The following HIPK4 variants were observed in gnomAD, a reference collection of about 807,000 sequenced individuals.
HIPK4 encodes homeodomain-interacting protein kinase 4.
HIPK4 carries 26 observed loss-of-function variants against 44.8 expected under a neutral mutation model. That is an observed-to-expected ratio of 0.58 (90% CI 0.43 to 0.80). The LOEUF (loss-of-function observed/expected upper bound fraction) is 0.80. HIPK4 is among the 30% of genes least tolerant of loss of function. The pLI is 0.00. For missense variants in HIPK4, 729 were observed against 862.6 expected, an observed-to-expected ratio of 0.85 and a Z score of 1.94; for synonymous variants, 340 against 355.5, an observed-to-expected ratio of 0.96 and a Z score of 0.49.
chr19:40,386,846 G>A (rs1452640852), intron 1 of HIPK4, among the ~76,000 whole-genome samples: 1 of 151,794 alleles, frequency 6.6e-6, no homozygotes, highest in African/African-American at 2.4e-5. Flanking sequence ...TCTCTTGCTT[G>A]TATCTCTCTC....
At chr19:40,383,696 A>T in intron 2 of HIPK4, 87 bp downstream of exon 2, 1 of 1,019,630 alleles carries the variant, frequency 9.8e-7, no homozygotes, top group Non-Finnish European at 1.5e-6. Context: ...TGCTGGAATT[A>T]CAGGTGTGAG....
At chr19:40,381,783 C>T (rs1205300933) in intron 2 of HIPK4, among the ~76,000 whole-genome samples, 2 of 113,286 alleles carry the variant, frequency 1.8e-5, no homozygotes, top group Non-Finnish European at 1.9e-5. Context: ...TCACTCAGAT[C>T]CTTTTTTTTT....
rs776587901 is a variant in HIPK4 at position 40,380,365 on chromosome 19, A to C, written c.1626T>G (p.Asp542Glu). 6.2e-7 allele frequency: 1 copy of C among 1,613,948 alleles called. No individual in the cohort carries two copies. Among genetic ancestry groups the C allele is most frequent in the Admixed American group, 1.7e-5 (1 of 59,988 alleles). ...TGTTGTCAATGTTGGGCCCATCCTC[A>C]TCTCGCTGCAGGATGGCCAGTGGCT... ...SAEPLAILQR[D>E]EDGPNIDNMT... Residue 542 changes from aspartate (D) to glutamate (E), a missense_variant, in exon 3 of 4, where the codon GAT becomes GAG. Transcript: ENST00000291823. The surrounding 1 kb of genome is among the most constrained non-coding windows in gnomAD (Gnocchi z 4.2).
Position 40,379,533 on chromosome 19 carries a change from G to T in HIPK4, c.*54C>A. 1 of 1,398,178 alleles carries T rather than the reference G, an allele frequency of 7.2e-7. No individual in the cohort carries two copies. The highest frequency in any genetic ancestry group is 9.5e-7 in the Non-Finnish European group (1 of 1,053,552). The allele number at this position is 1,398,178 out of a possible 1,614,324, so 86.6% of individuals were successfully genotyped here. ...CTGAGGAGCAGTTCAGGTTGGGAGG[G>T]AATGCCAGCCCAGCTAGCGCAGCCC... On this transcript the variant is annotated 3_prime_UTR_variant, in exon 4 of 4. Coordinates refer to ENST00000291823, the MANE Select transcript of HIPK4 (RefSeq NM_144685.5).
At chr19:40,382,904 G>A (rs926747907) in intron 2 of HIPK4, among the ~76,000 whole-genome samples, 2 of 151,136 alleles carry the variant, frequency 1.3e-5, no homozygotes, top group African/African-American at 2.4e-5. Flanking sequence ...AAAAATTGCC[G>A]GGTGTGATGG....
At position 40,382,114 on chromosome 19, in the gene HIPK4, T is replaced by C. The variant is rs201669356; in HGVS notation, c.823-946A>G. The stretch of plus-strand genomic sequence containing the variant: ...AGCCACTGTGCCTGGCCTTAGATCC[T>C]TTTTTTTAAACAGGGTCTTGCTGTG... On this transcript the variant is annotated intron_variant, in intron 2 of 3. Transcript: ENST00000291823. Among the ~76,000 whole-genome samples the C allele has an allele frequency of 3.5e-4, 53 of 151,680 alleles. No individual in the cohort carries two copies. In the East Asian group the frequency reaches 9.1e-3, roughly 26 times the overall value.
intron 2 of HIPK4, among the ~76,000 whole-genome samples, chr19:40,382,899 T>A (rs35519449): frequency 0.4 from 60,053 of 150,108 alleles, 12,878 homozygotes; most frequent in East Asian, 0.66. Flanking sequence ...TACAAAAAAA[T>A]TGCCGGGTGT....
chr19:40,383,808 G>C lies in HIPK4; in HGVS notation c.797C>G (p.Ser266Trp). The change falls in exon 2 of 4, where the codon TCG becomes TGG. Residue 266 changes from serine to tryptophan, a missense_variant. Ser to Trp is a radical substitution (Grantham distance 177, BLOSUM62 -3). This residue lies in a region of HIPK4 where 533 missense variants were observed against 567.5 expected (regional missense o/e 0.94). Transcript: ENST00000291823. ...DAANPWQLKS[S>W]ADYLAETKVR... ...CTTCGTCTCGGCCAGGTAGTCAGCCGAGGACTTGAGCTGCCAGGGGTTGGC... is the reference window on the plus strand; with the variant it reads ...CTTCGTCTCGGCCAGGTAGTCAGCCCAGGACTTGAGCTGCCAGGGGTTGGC... 6.2e-7 allele frequency: 1 copy of C among 1,612,100 alleles called. No individual in the cohort carries two copies. The highest frequency in any genetic ancestry group is 8.5e-7 in the Non-Finnish European group (1 of 1,178,458).
Position 40,379,473 on chromosome 19 carries a change from TCTGTAA to T in HIPK4, c.*108_*113del. 1.1e-6 allele frequency: 1 copy of T among 928,868 alleles called. No individual in the cohort carries two copies. Among genetic ancestry groups the T allele is most frequent in the South Asian group, 1.9e-5 (1 of 53,354 alleles). 57.5% of individuals were successfully genotyped at this position (928,868 alleles called of 1,614,324 possible). On this transcript the variant is annotated 3_prime_UTR_variant, in exon 4 of 4. Transcript: ENST00000291823. ...ATGAGAATTTCTGGATAACTATCTTTCTGTAAGAATAATTTGTGGGTTCAGGAGATG... is the reference window on the plus strand; with the variant it reads ...ATGAGAATTTCTGGATAACTATCTTTGAATAATTTGTGGGTTCAGGAGATG...
In HIPK4 at chr19:40,383,916, G is replaced by A; in HGVS notation, c.689C>T (p.Thr230Ile). Residue 230 changes from threonine (T) to isoleucine (I), a missense_variant, in exon 2 of 4, where the codon ACC becomes ATC. Thr to Ile is a moderately conservative substitution (Grantham distance 89). Coordinates refer to ENST00000291823, the MANE Select transcript of HIPK4 (RefSeq NM_144685.5). ...CAGGTGTGGCTTGGGCAGGCCCTGG[G>A]TTTCGCAGATGTAGCGCACCTGGTC... ...EYDQVRYICE[T>I]QGLPKPHLLH... 1 of 1,614,180 alleles carries A rather than the reference G, an allele frequency of 6.2e-7. No individual in the cohort carries two copies. The highest frequency in any genetic ancestry group is 2.2e-5 in the East Asian group (1 of 44,878).
At position 40,380,684 on chromosome 19, in the gene HIPK4, T is replaced by G; in HGVS notation, c.1307A>C (p.Glu436Ala). 1 of 1,613,670 alleles carries G rather than the reference T, an allele frequency of 6.2e-7. No individual in the cohort carries two copies. The highest frequency in any genetic ancestry group is 8.5e-7 in the Non-Finnish European group (1 of 1,179,698). ...CTCACCCCACAGCCCATGCCCAGCC[T>G]CCTGCAGACTCAGGTCATCCAGCTG... ...IDQLDDLSLQ[E>A]AGHGLWGETC... is the part of the protein sequence containing the mutation. The change falls in exon 3 of 4, where the codon GAG (glutamate) becomes GCG (alanine). Residue 436 changes from glutamate to alanine, a missense_variant. Physicochemically the swap from Glu to Ala is moderately radical, Grantham distance 107. Transcript: ENST00000291823. The surrounding 1 kb of genome is among the most constrained non-coding windows in gnomAD (Gnocchi z 4.2).
rs747589582 is a variant in HIPK4, at chr19:40,383,981, C to G, written c.624G>C (p.Leu208=). ...VWSLGCVMAE[L]HLGWPLYPGN... Reference sequence around the variant, plus strand: ...CGGGGTAGAGAGGCCAGCCCAGGTGCAGCTCAGCCATGACGCAGCCCAGGG... The same window carrying G: ...CGGGGTAGAGAGGCCAGCCCAGGTGGAGCTCAGCCATGACGCAGCCCAGGG... The change falls in exon 2 of 4, where the codon CTG becomes CTC. Residue 208 remains leucine (L), a synonymous_variant. Transcript: ENST00000291823. 1.2e-6 allele frequency: 2 copies of G among 1,614,058 alleles called. No individual in the cohort carries two copies. Among genetic ancestry groups the G allele is most frequent in the Non-Finnish European group, 1.7e-6 (2 of 1,180,020 alleles).
intron 3 of HIPK4, 94 bp from the exon 4 acceptor site, chr19:40,379,863 G>T: frequency 7.6e-7 from 1 of 1,319,998 alleles, no homozygotes. Context: ...GGGTGAGCAT[G>T]TGCTAGGGTC....
chr19:40,381,784 C>CT (rs55780075), intron 2 of HIPK4, among the ~76,000 whole-genome samples: 6,897 of 72,342 alleles, frequency 0.095, 1,505 homozygotes, highest in Non-Finnish European at 0.14. Flanking sequence ...CACTCAGATC[C>CT]TTTTTTTTTT....
rs372266650 is a variant in HIPK4, at chr19:40,383,770, A to G, written c.822+13T>C. The G allele has an allele frequency of 1.9e-5, 31 of 1,590,962 alleles. No homozygotes were observed. The highest frequency in any genetic ancestry group is 2.6e-5 in the Non-Finnish European group (30 of 1,165,308). ...CCCCCACACTGACTGCCCTCACCCA[A>G]CTTTTCCCTTACCTTCGTCTCGGCC... On this transcript the variant is annotated intron_variant, in intron 2 of 3. Coordinates refer to ENST00000291823, the MANE Select transcript of HIPK4 (RefSeq NM_144685.5).
chr19:40,379,783 G>C lies in HIPK4; in HGVS notation c.1669-14C>G, dbSNP rs1334917937. On this transcript the variant is annotated splice_polypyrimidine_tract_variant and intron_variant, in intron 3 of 3. Transcript: ENST00000291823. ...AGGGTCTGGCCTCTGTGGGGGAAGA[G>C]AGAGGGGCATCAGCCAAGCAGTGTT... 4 of 1,604,276 alleles carry C rather than the reference G, an allele frequency of 2.5e-6. No homozygotes were observed. The highest frequency in any genetic ancestry group is 1.3e-5 in the African/African-American group (1 of 74,430).
intron 2 of HIPK4, among the ~76,000 whole-genome samples, chr19:40,381,788 T>A (rs1222258070): frequency 4.0e-5 from 5 of 124,960 alleles, no homozygotes; most frequent in Admixed American, 3.1e-4. Context: ...CAGATCCTTT[T>A]TTTTTTTTTT....
chr19:40,379,642 T>C lies in HIPK4; in HGVS notation c.1796A>G (p.His599Arg). 1 of 1,563,174 alleles carries C rather than the reference T, an allele frequency of 6.4e-7. No homozygotes were observed. Residue 599 changes from histidine to arginine, a missense_variant, in exon 4 of 4, where the codon CAT becomes CGT. Physicochemically the swap from His to Arg is conservative, Grantham distance 29. This residue lies in a region of HIPK4 where 533 missense variants were observed against 567.5 expected (regional missense o/e 0.94). Coordinates refer to ENST00000291823, the MANE Select transcript of HIPK4 (RefSeq NM_144685.5). ...GCTGGTGGCCCCCCGGGGTGGACCA[T>C]GCTGGTGGGAGCGGCGGGGTGGGAG... Reference protein sequence around the residue: ...QGLPPRRSHQHGPPRGATSFL... With the variant: ...QGLPPRRSHQRGPPRGATSFL...
At chr19:40,385,280 G>A (rs1568696459) in intron 1 of HIPK4, among the ~76,000 whole-genome samples, 1 of 152,166 alleles carries the variant, frequency 6.6e-6, no homozygotes, top group Non-Finnish European at 1.5e-5. Flanking sequence ...GCCACATCCT[G>A]TGACAAAAGC....
Sources: gnomAD v4.1 joint callset for allele counts (sites outside exome capture counted in the v4.1 genomes callset) on GRCh38, gnomAD v4.1.1 for gene constraint, gnomAD v4.1.1 regional missense constraint, Gnocchi (gnomAD v3.1) non-coding constraint, MANE v1.5 for transcripts, NCBI Gene and HGNC (gene_info 2026-07-23, HGNC 2026-07-21) for gene names.